Variants in DPP6 observed in about 807,000 individuals in gnomAD.
The protein encoded by DPP6 is dipeptidyl peptidase like 6, also known as A-type potassium channel modulatory protein DPP6.
A neutral mutation model predicts 122.6 loss-of-function variants in DPP6; 69 were observed. The observed-to-expected ratio is 0.56, with a 90% CI of 0.46 to 0.69. DPP6 has a LOEUF of 0.69. Among genes scored for constraint, DPP6 ranks in the 30% least tolerant of loss-of-function variants. The probability of loss-of-function intolerance (pLI) is 0.00; values close to 1 mark genes in which losing one functional copy is unlikely to be tolerated. For missense variants in DPP6, 928 were observed against 1,116.9 expected, an observed-to-expected ratio of 0.83 and a Z score of 2.41; for synonymous variants, 418 against 433.1, an observed-to-expected ratio of 0.97 and a Z score of 0.43.
At chr7:154,599,327 C>T (rs1833284060) in intron 5 of DPP6, among the ~76,000 whole-genome samples, 1 of 152,050 alleles carries the variant, frequency 6.6e-6, no homozygotes. Context: ...ACACTGTTTA[C>T]CTCTTTTATT....
chr7:153,760,698 G>A, the DPP6 span, among the ~76,000 whole-genome samples: 18 of 152,098 alleles, frequency 1.2e-4, no homozygotes, highest in African/African-American at 2.9e-4. Flanking sequence ...GCCCTTTTGC[G>A]TATTCTATGA....
the DPP6 span, among the ~76,000 whole-genome samples, chr7:153,833,986 G>A: frequency 1.4e-4 from 21 of 152,054 alleles, no homozygotes; most frequent in African/African-American, 3.9e-4. Flanking sequence ...CCAACTTCTT[G>A]GTTAATAGTG....
chr7:153,879,215 A>C, the DPP6 span, among the ~76,000 whole-genome samples: 1 of 152,176 alleles, frequency 6.6e-6, no homozygotes, highest in East Asian at 1.9e-4. Flanking sequence ...AATGAACAGC[A>C]GTTGTCCAGC....
In DPP6 at chr7:154,746,899, C is replaced by T. The variant is rs114159595; in HGVS notation, c.883+19012C>T. On this transcript the variant is annotated intron_variant, in intron 8 of 25. Transcript: ENST00000377770. ...GAGGATAGAAAATAAGTCGTTCAAG[C>T]TCTTCTCTAACTCAAGTATAAGCAC... Among the ~76,000 whole-genome samples the T allele has an allele frequency of 1.9e-3, 291 of 152,304 alleles. 3 individuals are homozygous for T. Among genetic ancestry groups the T allele is most frequent in the African/African-American group, 6.4e-3 (268 of 41,564 alleles).
At chr7:154,389,910 T>C (rs955258234) in intron 1 of DPP6, among the ~76,000 whole-genome samples, 1 of 152,224 alleles carries the variant, frequency 6.6e-6, no homozygotes, top group African/African-American at 2.4e-5. Flanking sequence ...TCAGTGACAT[T>C]ATAAGCAGCC....
chr7:154,598,023 C>T (rs907284098), intron 5 of DPP6, among the ~76,000 whole-genome samples: 4 of 152,194 alleles, frequency 2.6e-5, no homozygotes, highest in African/African-American at 9.7e-5. Context: ...AATAAAGTCC[C>T]TTTCTAAGTC....
chr7:154,689,329 G>T (rs13245359), intron 7 of DPP6, among the ~76,000 whole-genome samples: 8,267 of 152,250 alleles, frequency 0.054, 306 homozygotes, highest in African/African-American at 0.1. Context: ...TGTTTCTTTG[G>T]TTGGTTGTTG....
At chr7:154,507,366 C>G (rs1339004022) in intron 3 of DPP6, among the ~76,000 whole-genome samples, 1 of 152,032 alleles carries the variant, frequency 6.6e-6, no homozygotes, top group Non-Finnish European at 1.5e-5. Flanking sequence ...GTTTGCTGCA[C>G]CCATCAACCC....
chr7:153,795,266 T>C, the DPP6 span, among the ~76,000 whole-genome samples: 2 of 152,066 alleles, frequency 1.3e-5, no homozygotes, highest in East Asian at 3.9e-4. Flanking sequence ...ATACGAAAAA[T>C]TAGCCAGGTG....
intron 1 of DPP6, among the ~76,000 whole-genome samples, chr7:154,233,941 T>C (rs915981737): frequency 6.6e-6 from 1 of 152,220 alleles, no homozygotes; most frequent in African/African-American, 2.4e-5. Flanking sequence ...TGGATTACTC[T>C]GGCTCAGCCT....
At chr7:154,131,844 A>G (rs2150635856) in intron 1 of DPP6, among the ~76,000 whole-genome samples, 1 of 152,276 alleles carries the variant, frequency 6.6e-6, no homozygotes, top group Non-Finnish European at 1.5e-5. Context: ...GAAACTCAAC[A>G]TAAATTCTAA....
At chr7:154,543,449 T>C (rs1586586303) in intron 4 of DPP6, among the ~76,000 whole-genome samples, 1 of 152,150 alleles carries the variant, frequency 6.6e-6, no homozygotes, top group Non-Finnish European at 1.5e-5. Flanking sequence ...GGCTCTTACA[T>C]GGGACAGGTG....
chr7:154,637,110 C>T (rs573606064), intron 5 of DPP6, among the ~76,000 whole-genome samples: 2 of 152,240 alleles, frequency 1.3e-5, no homozygotes, highest in East Asian at 1.9e-4. Flanking sequence ...GGGTAACCCT[C>T]GAATTCTGCT....
rs535276505 is a variant in DPP6 at position 154,457,972 on chromosome 7, TAAAA to T, written c.358+11656_358+11659del. Among the ~76,000 whole-genome samples, 3 of 13,966 alleles carry T rather than the reference TAAAA, an allele frequency of 2.1e-4. 1 individual carries two copies. The highest frequency in any genetic ancestry group is 6.2e-4 in the African/African-American group (3 of 4,852). 9.2% of individuals were successfully genotyped at this position (13,966 alleles called of 152,430 possible). The stretch of plus-strand genomic sequence containing the variant: ...ATGTACCCTAAAACTTAGAGTATAA[TAAAA>T]AAAAAAAAAAAGAAGGAAATAGAGG... On this transcript the variant is annotated intron_variant, in intron 2 of 25. Transcript: ENST00000377770.
At chr7:154,731,038 G>A (rs1359604818) in intron 8 of DPP6, among the ~76,000 whole-genome samples, 1 of 152,206 alleles carries the variant, frequency 6.6e-6, no homozygotes, top group East Asian at 1.9e-4. Flanking sequence ...TCCCTGGAAG[G>A]TTTATATGCT....
At chr7:154,023,318 G>GCACGCGCACA (rs373378162) in intron 1 of DPP6, among the ~76,000 whole-genome samples, 5,074 of 129,520 alleles carry the variant, frequency 0.039, 138 homozygotes, top group East Asian at 0.089. Context: ...TTTCTTGTCT[G>GCACGCGCACA]CACACACACA....
At position 154,814,682 on chromosome 7, in the gene DPP6, G is replaced by A. The variant is rs576249834; in HGVS notation, c.1666+7570G>A. Among the ~76,000 whole-genome samples the A allele has an allele frequency of 9.4e-4, 143 of 152,272 alleles. 1 individual carries two copies. Among genetic ancestry groups the A allele is most frequent in the Middle Eastern group, 3.4e-3 (1 of 294 alleles). On this transcript the variant is annotated intron_variant, in intron 16 of 25. Coordinates refer to ENST00000377770, the MANE Select transcript of DPP6 (RefSeq NM_130797.4). Reference sequence around the variant, plus strand: ...TTAGTCTCTCACAGTTCTGGAGGCCGGAAATCCAAAATCAAGCTGTTAGCC... The same window carrying A: ...TTAGTCTCTCACAGTTCTGGAGGCCAGAAATCCAAAATCAAGCTGTTAGCC...
chr7:154,684,739 T>C (rs1839498976), intron 7 of DPP6, among the ~76,000 whole-genome samples: 1 of 152,196 alleles, frequency 6.6e-6, no homozygotes, highest in Non-Finnish European at 1.5e-5. Context: ...TGTATCTATT[T>C]AATTAAGCTA....
At chr7:153,968,202 G>A (rs1469903522) in intron 1 of DPP6, among the ~76,000 whole-genome samples, 1 of 149,888 alleles carries the variant, frequency 6.7e-6, no homozygotes, top group Non-Finnish European at 1.5e-5. Flanking sequence ...AGCCTTGACA[G>A]CATTTGTTGT....
Sources: allele counts gnomAD v4.1 joint callset (sites outside exome capture counted in the v4.1 genomes callset), GRCh38; gene constraint gnomAD v4.1.1; transcripts MANE v1.5; gene names NCBI Gene and HGNC (gene_info 2026-07-23, HGNC 2026-07-21).